HOXC4: variants seen among roughly 807,000 people sequenced by gnomAD.
The protein encoded by HOXC4 is homeobox protein Hox-C4.
In HOXC4, 15 loss-of-function variants were observed where a neutral mutation model predicts 25.5. That is an observed-to-expected ratio of 0.59 (90% confidence interval 0.39 to 0.91). The LOEUF (loss-of-function observed/expected upper bound fraction) is 0.91. Among genes scored for constraint, HOXC4 ranks in the 40% least tolerant of loss-of-function variants. HOXC4 has a pLI of 0.00. For synonymous variants in HOXC4, 165 were observed against 148.0 expected (o/e 1.11, Z -0.83); for missense variants, 342 against 352.4 (o/e 0.97, Z 0.24).
chr12:54,025,877 C>A (rs1195041343), intron 1 of HOXC4, among the ~76,000 whole-genome samples: 1 of 152,090 alleles, frequency 6.6e-6, no homozygotes, highest in South Asian at 2.1e-4. Context: ...ACCTAGGCAT[C>A]CTTGCTGGGG....
Position 54,034,285 on chromosome 12 carries a change from C to G in HOXC4, c.-124+16871C>G, listed in dbSNP as rs145300322. On this transcript the variant is annotated intron_variant, in intron 1 of 3. Coordinates refer to the HOXC4 transcript ENST00000303406. ...GTGGGGTTTATGTTCCAGAGACGGA[C>G]GGCAAGCGGTCCCGAACCAGTTACA... 24 of 1,613,358 alleles carry G rather than the reference C, an allele frequency of 1.5e-5. No individual in the cohort carries two copies. In the African/African-American group the frequency reaches 3.1e-4, roughly 21 times the overall value.
At chr12:54,030,549 CTG>C (rs1940947450) in intron 1 of HOXC4, 2 of 152,668 alleles carry the variant, frequency 1.3e-5, no homozygotes, top group African/African-American at 4.8e-5. Context: ...ATTTTACAAA[CTG>C]TGACCGTTTC....
intron 1 of HOXC4, among the ~76,000 whole-genome samples, chr12:54,027,237 C>T (rs1479367002): frequency 6.6e-6 from 1 of 152,172 alleles, no homozygotes; most frequent in Non-Finnish European, 1.5e-5. Context: ...GCTGAGAGGC[C>T]CATCCCCACC....
chr12:54,018,723 G>A (rs1478223710), intron 1 of HOXC4, among the ~76,000 whole-genome samples: 3 of 147,172 alleles, frequency 2.0e-5, no homozygotes, highest in African/African-American at 7.3e-5. Flanking sequence ...CGACGCACAC[G>A]CAAACGCCTA....
intron 1 of HOXC4, chr12:54,028,474 G>T (rs1267817551): frequency 6.4e-7 from 1 of 1,574,278 alleles, no homozygotes; most frequent in Non-Finnish European, 8.6e-7. Context: ...ACTGGAGACA[G>T]AAATAAATAT....
At chr12:54,042,260 G>A (rs923828111) in intron 1 of HOXC4, among the ~76,000 whole-genome samples, 2 of 152,232 alleles carry the variant, frequency 1.3e-5, no homozygotes, top group Non-Finnish European at 2.9e-5. Flanking sequence ...TTACAGGCAT[G>A]AGCCACCGTG....
At chr12:54,030,712 A>G (rs1192515461) in intron 1 of HOXC4, 1 of 152,682 alleles carries the variant, frequency 6.5e-6, no homozygotes, top group African/African-American at 2.4e-5. Flanking sequence ...TTTAGCCAGT[A>G]GGAGAAAATA....
chr12:54,028,160 C>G (rs1251918915), intron 1 of HOXC4, among the ~76,000 whole-genome samples: 1 of 152,014 alleles, frequency 6.6e-6, no homozygotes. Context: ...TGAGAGATTT[C>G]CTGGTAGTAC....
chr12:54,051,070 C>T (rs564008886), upstream of HOXC4, among the ~76,000 whole-genome samples: 36 of 152,034 alleles, frequency 2.4e-4, no homozygotes, highest in South Asian at 4.2e-4. Flanking sequence ...GGGGAGGACT[C>T]CTTAACAAGT....
chr12:54,051,535 CAG>C, upstream of HOXC4, among the ~76,000 whole-genome samples: 1 of 152,346 alleles, frequency 6.6e-6, no homozygotes, highest in Middle Eastern at 3.4e-3. Context: ...TCCTCACATG[CAG>C]AGAGTTCCGG....
At chr12:54,048,077 C>G (rs74849830) in intron 1 of HOXC4, among the ~76,000 whole-genome samples, 1 of 151,892 alleles carries the variant, frequency 6.6e-6, no homozygotes, top group Admixed American at 6.6e-5. Flanking sequence ...ATCTATGGGC[C>G]GAGGCTTGGA....
intron 1 of HOXC4, chr12:54,032,945 C>A (rs1182418525): frequency 8.7e-6 from 5 of 573,874 alleles, no homozygotes; most frequent in Non-Finnish European, 1.5e-5. Flanking sequence ...AGTGGCCGCT[C>A]GAGTCACGTG....
intron 1 of HOXC4, among the ~76,000 whole-genome samples, chr12:54,040,710 T>C (rs940586606): frequency 6.6e-6 from 1 of 152,222 alleles, no homozygotes; most frequent in African/African-American, 2.4e-5. Flanking sequence ...GAATTCAAAT[T>C]CTGGCTGTGA....
intron 1 of HOXC4, chr12:54,030,527 G>A (rs1283413964): frequency 1.3e-5 from 2 of 152,666 alleles, no homozygotes; most frequent in Non-Finnish European, 2.9e-5. Flanking sequence ...GAATCCTGGG[G>A]GTCATTATGG....
intron 1 of HOXC4, among the ~76,000 whole-genome samples, chr12:54,031,528 G>A (rs1200072109): frequency 6.6e-6 from 1 of 152,160 alleles, no homozygotes; most frequent in Non-Finnish European, 1.5e-5. Context: ...AGGCGGGTGA[G>A]GAGCGCAGCC....
chr12:54,043,466 G>A (rs1015386956), intron 1 of HOXC4, among the ~76,000 whole-genome samples: 5 of 152,128 alleles, frequency 3.3e-5, no homozygotes, highest in African/African-American at 7.2e-5. Flanking sequence ...CCCAAGGATG[G>A]TATGGTAGAG....
exon 1 of HOXC4, chr12:54,017,396 A>ACCT (rs1940201420): frequency 6.6e-6 from 1 of 152,204 alleles, no homozygotes; most frequent in Admixed American, 6.5e-5. Context: ...GGAGAGAGGG[A>ACCT]GAGTGACAGC....
At chr12:54,027,392 G>C (rs1707518142) in intron 1 of HOXC4, among the ~76,000 whole-genome samples, 1 of 152,212 alleles carries the variant, frequency 6.6e-6, no homozygotes, top group Non-Finnish European at 1.5e-5. Context: ...GCAGGGGCTT[G>C]AGCCTGCAGG....
At chr12:54,026,942 C>A (rs1013931068) in intron 1 of HOXC4, among the ~76,000 whole-genome samples, 21 of 140,130 alleles carry the variant, frequency 1.5e-4, no homozygotes, top group African/African-American at 5.4e-4. Flanking sequence ...GCTTTCCCCC[C>A]CCCCAACCCA....
Sources: gnomAD v4.1 joint callset for allele counts (sites outside exome capture counted in the v4.1 genomes callset) on GRCh38, gnomAD v4.1.1 for gene constraint, MANE v1.5 for transcripts, NCBI Gene and HGNC (gene_info 2026-07-23, HGNC 2026-07-21) for gene names.